Variants in SRP14 observed in about 807,000 individuals in gnomAD.
The protein encoded by SRP14 is signal recognition particle 14 kDa protein.
SRP14 carries 1 observed loss-of-function variant against 16.0 expected under a neutral mutation model. The observed-to-expected ratio is 0.06, with a 90% CI of 0.02 to 0.30. The LOEUF is 0.30. Among genes scored for constraint, SRP14 ranks in the 10% least tolerant of loss-of-function variants. The probability of loss-of-function intolerance (pLI) is 1.00; values close to 1 mark genes in which losing one functional copy is unlikely to be tolerated. For synonymous variants in SRP14, 67 were observed against 60.1 expected (o/e 1.12, Z -0.53); for missense variants, 120 against 163.1 (o/e 0.74, Z 1.44).
chr15:40,039,133 C>G lies in SRP14; in HGVS notation c.-17G>C, dbSNP rs532023776. On this transcript the variant is annotated 5_prime_UTR_variant, in exon 1 of 5. Coordinates refer to ENST00000267884, the MANE Select transcript of SRP14 (RefSeq NM_003134.6). ...CAACACCATCGCGGCGACGCTGGCTCGACTCCCTCCGCTTAAGCCCCTAGC... is the reference window on the plus strand; with the variant it reads ...CAACACCATCGCGGCGACGCTGGCTGGACTCCCTCCGCTTAAGCCCCTAGC... 2.3e-5 allele frequency: 37 copies of G among 1,608,368 alleles called. No homozygotes were observed. The East Asian group carries it at 2.7e-4, about 12-fold the overall frequency.
Position 40,037,027 on chromosome 15 carries a change from GAAGGA to G in SRP14, c.211-14_211-10del. 6.2e-7 allele frequency: 1 copy of G among 1,607,464 alleles called. No individual in the cohort carries two copies. Among genetic ancestry groups the G allele is most frequent in the Non-Finnish European group, 8.5e-7 (1 of 1,178,044 alleles). ...ACTTCCTTGGAGCTCACCTGAAAAAGAAGGAAAAAAGAGGTCATACCTATTATCCA... is the reference window on the plus strand; with the variant it reads ...ACTTCCTTGGAGCTCACCTGAAAAAGAAAAAGAGGTCATACCTATTATCCA... On this transcript the variant is annotated splice_polypyrimidine_tract_variant and intron_variant, in intron 3 of 4. Coordinates refer to ENST00000267884, the MANE Select transcript of SRP14 (RefSeq NM_003134.6).
chr15:40,038,627 T>C (rs1181374381), intron 2 of SRP14: 2 of 608,310 alleles, frequency 3.3e-6, no homozygotes, highest in Non-Finnish European at 5.8e-6. Flanking sequence ...AGTGGCGGCG[T>C]CTGGGATCCC....
At chr15:40,037,880 G>GTCAA (rs35492760) in intron 3 of SRP14, among the ~76,000 whole-genome samples, 21,754 of 152,106 alleles carry the variant, frequency 0.14, 1,699 homozygotes, top group Middle Eastern at 0.19. Context: ...TTTCTCAAGT[G>GTCAA]TCAAACCTAA....
chr15:40,038,197 AT>A, intron 3 of SRP14, 84 bp downstream of exon 3: 1 of 1,133,488 alleles, frequency 8.8e-7, no homozygotes, highest in Non-Finnish European at 1.3e-6. Context: ...GGAAAAACAA[AT>A]AAAAGCCTGG....
At chr15:40,036,937 A>T in intron 4 of SRP14, 49 bp downstream of exon 4, 1 of 1,603,138 alleles carries the variant, frequency 6.2e-7, no homozygotes, top group East Asian at 2.2e-5. Context: ...TCACTATCAT[A>T]CTGACTCTTG....
Position 40,039,123 on chromosome 15 carries a change from G to A in SRP14, c.-7C>T, listed in dbSNP as rs193009291. 25 of 1,610,698 alleles carry A rather than the reference G, an allele frequency of 1.6e-5. No homozygotes were observed. The highest frequency in any genetic ancestry group is 2.0e-5 in the Non-Finnish European group (23 of 1,179,066). ...CGCTCTCCAACAACACCATCGCGGC[G>A]ACGCTGGCTCGACTCCCTCCGCTTA... On this transcript the variant is annotated 5_prime_UTR_variant, in exon 1 of 5. Transcript: ENST00000267884.
At chr15:40,037,683 GAA>G in intron 3 of SRP14, among the ~76,000 whole-genome samples, 1 of 22,708 alleles carries the variant, frequency 4.4e-5, no homozygotes, top group Admixed American at 3.2e-4. Context: ...TTTTACTGTA[GAA>G]GTCCTCTCAA....
chr15:40,037,294 A>AAAAAAAAAAAAAAAAAATG, intron 3 of SRP14: 3 of 1,352,536 alleles, frequency 2.2e-6, no homozygotes, highest in Non-Finnish European at 1.9e-6. Flanking sequence ...AAAAAAAAAA[A>AAAAAAAAAAAAAAAAAATG]GCTTTGTTTC....
intron 4 of SRP14, 92 bp downstream of exon 4, chr15:40,036,894 G>A (rs74964435): frequency 3.6e-6 from 5 of 1,402,476 alleles, no homozygotes; most frequent in Non-Finnish European, 2.0e-6. Context: ...TCTCCGGAGA[G>A]CAGTGAACCC....
rs760694430 is a variant in SRP14 at position 40,036,365 on chromosome 15, CTGT to C, written c.376_378del (p.Thr126del). 4.7e-5 allele frequency: 75 copies of C among 1,601,558 alleles called. No individual in the cohort carries two copies. The highest frequency in any genetic ancestry group is 6.1e-5 in the Non-Finnish European group (71 of 1,172,126). ...GCTGCTGTTGCTGCTGTTGTTGCTG[CTGT>C]TGTTGGTGCTGTTGCTGCTGCGGCA... On this transcript the variant is annotated inframe_deletion, in exon 5 of 5. Coordinates refer to ENST00000267884, the MANE Select transcript of SRP14 (RefSeq NM_003134.6).
In SRP14 at chr15:40,038,893, T is replaced by C; in HGVS notation, c.80A>G (p.Tyr27Cys). 11 of 1,613,868 alleles carry C rather than the reference T, an allele frequency of 6.8e-6. No individual in the cohort carries two copies. The highest frequency in any genetic ancestry group is 9.3e-6 in the Non-Finnish European group (11 of 1,179,938). ...FQKCRTSGSVYITLKKYDGRT... is the reference protein window; with the variant it reads ...FQKCRTSGSVCITLKKYDGRT... ...CTGCTTACACTTCTTCAAGGTGATA[T>C]AGACGCTGCCCGACGTCCGGCACTT... The change falls in exon 2 of 5, where the codon TAT becomes TGT. Residue 27 changes from tyrosine (Y) to cysteine (C), a missense_variant. Physicochemically the swap from Tyr to Cys is radical, Grantham distance 194. Transcript: ENST00000267884.
At chr15:40,039,190 C>T, upstream of SRP14, 1 of 1,539,056 alleles carries the variant, frequency 6.5e-7, no homozygotes, top group Non-Finnish European at 8.8e-7. Flanking sequence ...CTAGGCTGGG[C>T]GGGACTTCCG....
chr15:40,037,294 A>AAAAAAAAAAAAAAAAAAATT, intron 3 of SRP14: 1 of 1,352,536 alleles, frequency 7.4e-7, no homozygotes, highest in Non-Finnish European at 9.5e-7. Context: ...AAAAAAAAAA[A>AAAAAAAAAAAAAAAAAAATT]GCTTTGTTTC....
Position 40,036,429 on chromosome 15 carries a change from C to T in SRP14, c.315G>A (p.Lys105=). 1 of 1,614,050 alleles carries T rather than the reference C, an allele frequency of 6.2e-7. No homozygotes were observed. The highest frequency in any genetic ancestry group is 8.5e-7 in the Non-Finnish European group (1 of 1,179,964). ...KKRDKKNKTK[K]TKAAAAAAAA... is the part of the protein sequence containing the mutation. The stretch of plus-strand genomic sequence containing the variant: ...CTGCTGCTGCTGCTGCTGCTTTGGT[C>T]TTCTTAGTTTTGTTCTTTTTGTCTC... The change falls in exon 5 of 5, where the codon AAG becomes AAA. Residue 105 remains lysine (K), a synonymous_variant. Coordinates refer to ENST00000267884, the MANE Select transcript of SRP14 (RefSeq NM_003134.6).
rs746290708 is a variant in SRP14 at position 40,039,161 on chromosome 15, T to A, written c.-45A>T. 4 of 1,595,888 alleles carry A rather than the reference T, an allele frequency of 2.5e-6. No individual in the cohort carries two copies. The highest frequency in any genetic ancestry group is 3.4e-6 in the Non-Finnish European group (4 of 1,173,636). On this transcript the variant is annotated 5_prime_UTR_variant, in exon 1 of 5. Transcript: ENST00000267884. ...CTCCCTCCGCTTAAGCCCCTAGCAG[T>A]GAGAGCCGGAAGTTCGGCCTAGGCT... is the stretch of plus-strand genomic sequence containing the variant.
rs778865254 is a variant in SRP14 at position 40,038,892 on chromosome 15, A to G, written c.81T>C (p.Tyr27=). The G allele has an allele frequency of 3.1e-6, 5 of 1,613,868 alleles. No individual in the cohort carries two copies. In the South Asian group the frequency reaches 4.4e-5, roughly 14 times the overall value. Residue 27 remains tyrosine, a synonymous_variant, in exon 2 of 5, where the codon TAT becomes TAC. Transcript: ENST00000267884. ...FQKCRTSGSV[Y]ITLKKYDGRT... The stretch of plus-strand genomic sequence containing the variant: ...GCTGCTTACACTTCTTCAAGGTGAT[A>G]TAGACGCTGCCCGACGTCCGGCACT...
Position 40,039,083 on chromosome 15 carries a change from C to G in SRP14, c.24+10G>C, listed in dbSNP as rs749755646. The G allele has an allele frequency of 7.7e-5, 122 of 1,582,472 alleles. No individual in the cohort carries two copies. The highest frequency in any genetic ancestry group is 3.6e-4 in the Middle Eastern group (2 of 5,504). ...GCCCCCTTCCCTCGGCCGGCCAGGC[C>G]TAGCCATACCTGCTCGCTCTCCAAC... On this transcript the variant is annotated intron_variant, in intron 1 of 4. Coordinates refer to ENST00000267884, the MANE Select transcript of SRP14 (RefSeq NM_003134.6).
chr15:40,039,049 G>T (rs779837481), intron 1 of SRP14, 44 bp downstream of exon 1: 2 of 1,607,008 alleles, frequency 1.2e-6, no homozygotes, highest in Non-Finnish European at 1.7e-6. Context: ...CTCGAGTAAC[G>T]CCTGAGCCGC....
intron 4 of SRP14, 150 bp downstream of exon 4, chr15:40,036,836 A>C (rs770589407): frequency 1.1e-6 from 1 of 926,692 alleles, no homozygotes; most frequent in Non-Finnish European, 1.7e-6. Flanking sequence ...ATTAGCATTG[A>C]AATTCACACC....
Sources: gnomAD v4.1 joint callset for allele counts (sites outside exome capture counted in the v4.1 genomes callset) on GRCh38, gnomAD v4.1.1 for gene constraint, MANE v1.5 for transcripts, NCBI Gene and HGNC (gene_info 2026-07-23, HGNC 2026-07-21) for gene names.